SGCD: variants seen among roughly 807,000 people sequenced by gnomAD.
SGCD encodes delta-sarcoglycan.
In SGCD, 18 loss-of-function variants were observed where a neutral mutation model predicts 36.6. The observed-to-expected ratio is 0.49, with a 90% CI of 0.34 to 0.73. The LOEUF (loss-of-function observed/expected upper bound fraction) is 0.73, where lower values mean the gene tolerates loss of function less well. SGCD is among the 30% of genes least tolerant of loss of function. SGCD has a pLI of 0.01. For synonymous variants in SGCD, 133 were observed against 130.6 expected, an observed-to-expected ratio of 1.02 and a Z score of -0.12; for missense variants, 387 against 346.7, an observed-to-expected ratio of 1.12 and a Z score of -0.92.
intron 3 of SGCD, among the ~76,000 whole-genome samples, chr5:156,344,894 T>A (rs1318524588): frequency 6.6e-6 from 1 of 152,238 alleles, no homozygotes; most frequent in Admixed American, 6.5e-5. Flanking sequence ...AACTTAAAGA[T>A]ATTTCCCTCC....
At chr5:156,205,988 T>C (rs909360954) in intron 3 of SGCD, among the ~76,000 whole-genome samples, 1 of 136,484 alleles carries the variant, frequency 7.3e-6, no homozygotes, top group African/African-American at 2.5e-5. Flanking sequence ...TATATATATA[T>C]ATTTTATATA....
At chr5:156,071,109 G>GT (rs1168437625) in intron 1 of SGCD, among the ~76,000 whole-genome samples, 3 of 152,064 alleles carry the variant, frequency 2.0e-5, no homozygotes, top group Admixed American at 2.0e-4. Flanking sequence ...ATTTTGAAGG[G>GT]TTTTTTGTGT....
chr5:156,538,256 T>A (rs1758201388), intron 4 of SGCD, among the ~76,000 whole-genome samples: 1 of 152,178 alleles, frequency 6.6e-6, no homozygotes, highest in Admixed American at 6.5e-5. Context: ...AAAACTGCAA[T>A]GAAAGGATGT....
At chr5:156,120,455 A>G (rs1177410244) in intron 2 of SGCD, among the ~76,000 whole-genome samples, 1 of 152,230 alleles carries the variant, frequency 6.6e-6, no homozygotes, top group Non-Finnish European at 1.5e-5. Context: ...ATTACAAAAG[A>G]TAAAGAAAAA....
chr5:156,012,477 A>G (rs1026885258), intron 1 of SGCD, among the ~76,000 whole-genome samples: 3 of 152,234 alleles, frequency 2.0e-5, no homozygotes, highest in Non-Finnish European at 1.5e-5. Flanking sequence ...AAATCCCACC[A>G]TTCAGTGAAG....
At chr5:155,812,436 C>T in the SGCD span, among the ~76,000 whole-genome samples, 1 of 152,264 alleles carries the variant, frequency 6.6e-6, no homozygotes, top group East Asian at 1.9e-4. Context: ...ATCCTGCATG[C>T]AATTTTGTAT....
chr5:155,890,954 C>A (rs1756114947), intron 1 of SGCD, among the ~76,000 whole-genome samples: 1 of 152,136 alleles, frequency 6.6e-6, no homozygotes, highest in Non-Finnish European at 1.5e-5. Context: ...TTATCAGCCT[C>A]ATTGTGTCTC....
Position 156,166,785 on chromosome 5 carries a change from A to G in SGCD, c.-44+42766A>G, listed in dbSNP as rs527381906. ...TCTTTGCACTTACAGATACCCACAC[A>G]TTACTCAAACACTTTCCACTGAAAA... On this transcript the variant is annotated intron_variant, in intron 3 of 9. Transcript: ENST00000517913. Among the ~76,000 whole-genome samples, 5 of 152,264 alleles carry G rather than the reference A, an allele frequency of 3.3e-5. No homozygotes were observed. In the South Asian group the frequency reaches 8.3e-4, roughly 25 times the overall value.
intron 1 of SGCD, among the ~76,000 whole-genome samples, chr5:155,947,313 G>A (rs1757458316): frequency 6.9e-6 from 1 of 145,514 alleles, no homozygotes; most frequent in South Asian, 2.1e-4. Flanking sequence ...GTGTGTGTGT[G>A]TGTGTGTGTG....
chr5:156,429,265 C>CTTTTTTTTTTTT (rs3074973), intron 3 of SGCD, among the ~76,000 whole-genome samples: 2 of 123,794 alleles, frequency 1.6e-5, no homozygotes, highest in African/African-American at 2.9e-5. Flanking sequence ...CCCTCATTGT[C>CTTTTTTTTTTTT]TTTTTTTTTT....
chr5:156,337,861 A>G (rs2127710821), intron 2 of SGCD, among the ~76,000 whole-genome samples: 1 of 152,180 alleles, frequency 6.6e-6, no homozygotes, highest in African/African-American at 2.4e-5. Context: ...ATAGATTGGG[A>G]TTGGAATTTT....
the SGCD span, among the ~76,000 whole-genome samples, chr5:155,800,886 C>A: frequency 3.3e-5 from 5 of 151,832 alleles, no homozygotes; most frequent in Non-Finnish European, 7.4e-5. Flanking sequence ...GAGATATTTC[C>A]TATGCTCGAC....
chr5:156,298,036 T>A (rs1282083117), intron 3 of SGCD, among the ~76,000 whole-genome samples: 1 of 151,976 alleles, frequency 6.6e-6, no homozygotes, highest in East Asian at 1.9e-4. Flanking sequence ...ATATGCAAAG[T>A]TTTTCTTCCT....
At chr5:156,454,875 T>C (rs1232438275) in intron 3 of SGCD, among the ~76,000 whole-genome samples, 1 of 152,150 alleles carries the variant, frequency 6.6e-6, no homozygotes, top group Non-Finnish European at 1.5e-5. Context: ...AACTGTGTGC[T>C]CTGGACATGT....
chr5:156,641,239 G>A (rs1215325294), intron 6 of SGCD, among the ~76,000 whole-genome samples: 1 of 152,210 alleles, frequency 6.6e-6, no homozygotes, highest in Middle Eastern at 3.2e-3. Flanking sequence ...GTGCTGTAGA[G>A]AAGACTGGTT....
intron 1 of SGCD, among the ~76,000 whole-genome samples, chr5:155,902,014 T>G (rs888565299): frequency 6.6e-6 from 1 of 152,182 alleles, no homozygotes; most frequent in Non-Finnish European, 1.5e-5. Flanking sequence ...TTTTAAAAAT[T>G]AAACAATCTG....
intron 7 of SGCD, among the ~76,000 whole-genome samples, chr5:156,756,420 T>C (rs1757337288): frequency 6.6e-6 from 1 of 152,114 alleles, no homozygotes; most frequent in South Asian, 2.1e-4. Flanking sequence ...TGGTGGCACA[T>C]ACCCAGCTAC....
chr5:156,480,104 A>C (rs998630025), intron 3 of SGCD, among the ~76,000 whole-genome samples: 10 of 152,196 alleles, frequency 6.6e-5, no homozygotes, highest in Non-Finnish European at 1.5e-5. Context: ...TCAGTAGGGA[A>C]ATGTGCCAGT....
At chr5:156,074,820 G>A (rs932418859) in intron 1 of SGCD, among the ~76,000 whole-genome samples, 3 of 152,192 alleles carry the variant, frequency 2.0e-5, no homozygotes, top group Non-Finnish European at 4.4e-5. Flanking sequence ...GGATAAACAG[G>A]TGTGCTAACA....
Sources: gnomAD v4.1 joint callset for allele counts (sites outside exome capture counted in the v4.1 genomes callset) on GRCh38, gnomAD v4.1.1 for gene constraint, MANE v1.5 for transcripts, NCBI Gene and HGNC (gene_info 2026-07-23, HGNC 2026-07-21) for gene names.